Variants in CNOT1 observed in about 807,000 individuals in gnomAD.
CNOT1 encodes the protein CCR4-associated factor 1.
Under a neutral mutation model 273.8 loss-of-function variants are expected in CNOT1, and 15 were observed. That is an observed-to-expected ratio of 0.05 (90% CI 0.04 to 0.08). The LOEUF is 0.08. Ranked by LOEUF, CNOT1 falls within the 10% of genes least tolerant of loss-of-function variation. CNOT1 has a pLI of 1.00. For synonymous variants in CNOT1, 1,022 were observed against 1,005.5 expected (o/e 1.02, Z -0.31); for missense variants, 1,644 against 2,912.2 (o/e 0.56, Z 10.02).
At chr16:58,558,382 A>G in intron 18 of CNOT1, 91 bp downstream of exon 18, 2 of 1,566,032 alleles carry the variant, frequency 1.3e-6, no homozygotes, top group East Asian at 2.3e-5. Flanking sequence ...AGCTTTCCTT[A>G]TCACAGTGAC....
At chr16:58,586,827 A>T in intron 6 of CNOT1, 79 bp from the exon 7 acceptor site, 1 of 1,446,626 alleles carries the variant, frequency 6.9e-7, no homozygotes, top group Non-Finnish European at 9.5e-7. Flanking sequence ...ATCAAAATGC[A>T]GATAATCACC....
At chr16:58,560,076 C>T in intron 17 of CNOT1, 136 bp downstream of exon 17, 1 of 1,517,714 alleles carries the variant, frequency 6.6e-7, no homozygotes, top group East Asian at 2.3e-5. Flanking sequence ...TTACATATCT[C>T]CTTTAAAATA....
Position 58,528,775 on chromosome 16 carries a change from G to A in CNOT1, c.6280-127C>T, listed in dbSNP as rs867845222. 1.7e-4 allele frequency: 99 copies of A among 586,988 alleles called. 1 individual carries two copies. The Middle Eastern group carries it at 4.1e-3, about 24-fold the overall frequency. 36.4% of individuals were successfully genotyped at this position (586,988 alleles called of 1,614,324 possible). A position where few individuals can be genotyped will look rare whatever the true frequency, so the allele number is the denominator to read the frequency against. On this transcript the variant is annotated intron_variant, in intron 43 of 48. Coordinates refer to ENST00000317147, the MANE Select transcript of CNOT1 (RefSeq NM_016284.5). Reference sequence around the variant, plus strand: ...ATACTTTAGTAACATTTCTTAAAAAGTTTTAGGCTTTAATTAACATTATCA... The same window carrying A: ...ATACTTTAGTAACATTTCTTAAAAAATTTTAGGCTTTAATTAACATTATCA...
intron 1 of CNOT1, among the ~76,000 whole-genome samples, chr16:58,608,150 A>C (rs2042756162): frequency 6.6e-6 from 1 of 151,928 alleles, no homozygotes; most frequent in African/African-American, 2.4e-5. Flanking sequence ...CACTCCAGCC[A>C]GGGTGACAGA....
At chr16:58,532,708 A>G (rs1373841072) in intron 40 of CNOT1, 2 of 264,672 alleles carry the variant, frequency 7.6e-6, no homozygotes, top group Non-Finnish European at 1.5e-5. Flanking sequence ...TTAACACAAT[A>G]TAACAATCTA....
At chr16:58,555,691 G>A (rs2040607521) in intron 20 of CNOT1, 93 bp downstream of exon 20, 2 of 1,577,234 alleles carry the variant, frequency 1.3e-6, no homozygotes, top group African/African-American at 2.7e-5. Flanking sequence ...GCTATATCAG[G>A]GCACTTTGAG....
At chr16:58,528,048 G>A in intron 44 of CNOT1, 1 of 416,356 alleles carries the variant, frequency 2.4e-6, no homozygotes, top group Non-Finnish European at 4.7e-6. Context: ...GCGAAGGGGA[G>A]GTTGCAGTAA....
rs2039570216 is a variant in CNOT1 at position 58,525,981 on chromosome 16, C to G, written c.6603+8G>C. On this transcript the variant is annotated splice_region_variant and intron_variant, in intron 45 of 48. Coordinates refer to ENST00000317147, the MANE Select transcript of CNOT1 (RefSeq NM_016284.5). ...GACGTAGATGAGTTTTAAGCCAAAC[C>G]AATTAACCTGTAGGTTGCTGCGCAG... 3.1e-6 allele frequency: 5 copies of G among 1,613,148 alleles called. No homozygotes were observed. In the East Asian group the frequency reaches 1.1e-4, roughly 36 times the overall value.
chr16:58,556,526 T>C, intron 19 of CNOT1, among the ~76,000 whole-genome samples: 1 of 152,186 alleles, frequency 6.6e-6, no homozygotes, highest in Non-Finnish European at 1.5e-5. Flanking sequence ...TTCTCACTCC[T>C]GACTTGCTTT....
At chr16:58,621,760 A>AC (rs1422885221) in intron 1 of CNOT1, among the ~76,000 whole-genome samples, 11 of 148,458 alleles carry the variant, frequency 7.4e-5, no homozygotes, top group East Asian at 6.2e-4. Flanking sequence ...CTACCAAAAA[A>AC]TACAAAAAAC....
At position 58,581,333 on chromosome 16, in the gene CNOT1, C is replaced by A. The variant is rs768897655; in HGVS notation, c.1215+12G>T. 6.3e-7 allele frequency: 1 copy of A among 1,599,740 alleles called. No homozygotes were observed. The highest frequency in any genetic ancestry group is 8.5e-7 in the Non-Finnish European group (1 of 1,174,754). On this transcript the variant is annotated intron_variant, in intron 11 of 48. Coordinates refer to ENST00000317147, the MANE Select transcript of CNOT1 (RefSeq NM_016284.5). ...TTATTCCCCCATCTATAGCTAAATA[C>A]CACTTACTCACCTGGCCTTCAGCAT...
intron 2 of CNOT1, among the ~76,000 whole-genome samples, chr16:58,594,746 C>T (rs998462390): frequency 6.7e-6 from 1 of 150,040 alleles, no homozygotes; most frequent in Non-Finnish European, 1.5e-5. Flanking sequence ...GGATTGCAGT[C>T]AGCTGAGATT....
chr16:58,561,881 A>C (rs925437903), intron 16 of CNOT1, among the ~76,000 whole-genome samples: 1 of 152,172 alleles, frequency 6.6e-6, no homozygotes, highest in East Asian at 1.9e-4. Flanking sequence ...TTGTATTCAG[A>C]AGCTCTACTC....
In CNOT1 at chr16:58,551,809, T is replaced by C; in HGVS notation, c.2981A>G (p.Tyr994Cys). The C allele has an allele frequency of 1.9e-6, 3 of 1,614,132 alleles. No homozygotes were observed. The highest frequency in any genetic ancestry group is 2.5e-6 in the Non-Finnish European group (3 of 1,180,012). ...FPHHLQEYIEYGQQSRDPPVK... is the reference protein window; with the variant it reads ...FPHHLQEYIECGQQSRDPPVK... ...AGGAGGATCTCTAGACTGCTGTCCA[T>C]ACTCAATATACTAAAAGGGTAGGGA... is the stretch of plus-strand genomic sequence containing the variant. The change falls in exon 23 of 49, where the codon TAT (tyrosine) becomes TGT (cysteine). Residue 994 changes from tyrosine (Y) to cysteine (C), a missense_variant. By Grantham distance (194) the Tyr-to-Cys change is radical. Coordinates refer to ENST00000317147, the MANE Select transcript of CNOT1 (RefSeq NM_016284.5).
chr16:58,578,604 T>C (rs1361064120), intron 13 of CNOT1, 95 bp downstream of exon 13: 11 of 1,362,930 alleles, frequency 8.1e-6, no homozygotes, highest in South Asian at 7.2e-5. Context: ...AATTCAGAGA[T>C]GTAAAAAAAA....
intron 1 of CNOT1, among the ~76,000 whole-genome samples, chr16:58,600,688 G>C (rs756851972): frequency 2.0e-5 from 3 of 152,202 alleles, no homozygotes; most frequent in Non-Finnish European, 4.4e-5. Context: ...TGCTGAAACT[G>C]TTCCCTGGGA....
chr16:58,553,422 C>T (rs936138363), intron 22 of CNOT1, among the ~76,000 whole-genome samples: 6 of 152,150 alleles, frequency 3.9e-5, no homozygotes, highest in African/African-American at 1.4e-4. Context: ...TTTTTATACA[C>T]AAGATTCCCA....
intron 42 of CNOT1, 127 bp from the exon 43 acceptor site, chr16:58,530,474 G>C (rs1029903235): frequency 1.4e-5 from 8 of 587,910 alleles, no homozygotes; most frequent in Non-Finnish European, 2.0e-5. Context: ...CTAATGTTAA[G>C]TACTTTTACA....
Position 58,549,790 on chromosome 16 carries a change from T to C in CNOT1, c.3451A>G (p.Asn1151Asp). Residue 1151 changes from asparagine (N) to aspartate (D), a missense_variant, in exon 25 of 49, where the codon AAC (asparagine) becomes GAC (aspartate). Coordinates refer to ENST00000317147, the MANE Select transcript of CNOT1 (RefSeq NM_016284.5). ...GGATTCTTCAGCGTGTCAAGGAAGT[T>C]TGAATACAGGCTATGAAAGTTTGGC... is the stretch of plus-strand genomic sequence containing the variant. ...IEPNFHSLYS[N>D]FLDTLKNPEF... is the part of the protein sequence containing the mutation. 6.2e-7 allele frequency: 1 copy of C among 1,614,044 alleles called. No individual in the cohort carries two copies.
Sources: gnomAD v4.1 joint callset for allele counts (sites outside exome capture counted in the v4.1 genomes callset) on GRCh38, gnomAD v4.1.1 for gene constraint, MANE v1.5 for transcripts, NCBI Gene and HGNC (gene_info 2026-07-23, HGNC 2026-07-21) for gene names.